The following OR10J1 variants were observed in gnomAD, a reference collection of about 807,000 sequenced individuals.
OR10J1 encodes olfactory receptor family 10 subfamily J member 1.
For synonymous variants in OR10J1, 202 were observed against 143.8 expected (o/e 1.40, Z -2.89); for missense variants, 474 against 376.6 (o/e 1.26, Z -2.14).
At chr1:159,437,379 C>T (rs1451365072), upstream of OR10J1, among the ~76,000 whole-genome samples, 1 of 152,014 alleles carries the variant, frequency 6.6e-6, no homozygotes, top group Non-Finnish European at 1.5e-5. Flanking sequence ...GATAGAGTTC[C>T]TGCCTATAAG....
chr1:159,415,549 TC>T, the OR10J1 span, among the ~76,000 whole-genome samples: 5 of 152,042 alleles, frequency 3.3e-5, no homozygotes, highest in African/African-American at 1.2e-4. Context: ...CTTTGGCTAT[TC>T]AAGCTCTTTT....
the OR10J1 span, among the ~76,000 whole-genome samples, chr1:159,426,118 A>C: frequency 9.5e-4 from 145 of 152,096 alleles, 2 homozygotes; most frequent in African/African-American, 2.2e-3. Flanking sequence ...AAAAACAATT[A>C]ACCAAAAGGC....
chr1:159,405,916 A>G, the OR10J1 span: 2 of 529,854 alleles, frequency 3.8e-6, no homozygotes, highest in Non-Finnish European at 7.1e-6. Flanking sequence ...AGCCATGCCC[A>G]GGCCAATCCT....
chr1:159,440,162 T>A lies in OR10J1; in HGVS notation c.371T>A (p.Val124Glu), dbSNP rs751572305. 25 of 1,614,058 alleles carry A rather than the reference T, an allele frequency of 1.5e-5. No homozygotes were observed. The African/African-American group carries it at 3.1e-4, about 20-fold the overall frequency. The change falls in exon 1 of 1, where the codon GTG becomes GAG. Residue 124 changes from valine (V) to glutamate (E), a missense_variant. Transcript: ENST00000423932. ...LLTAMGYDRYVAICNPLRYMV... is the reference protein window; with the variant it reads ...LLTAMGYDRYEAICNPLRYMV... ...ACAGCAATGGGATATGACCGCTATG[T>A]GGCCATCTGCAACCCCCTGAGATAC...
the OR10J1 span, among the ~76,000 whole-genome samples, chr1:159,420,615 G>T: frequency 4.6e-5 from 7 of 152,102 alleles, no homozygotes; most frequent in East Asian, 1.4e-3. Context: ...TGATAAATTT[G>T]CTTATTTGGA....
chr1:159,413,554 T>C, the OR10J1 span, among the ~76,000 whole-genome samples: 784 of 151,786 alleles, frequency 5.2e-3, 2 homozygotes, highest in Non-Finnish European at 8.9e-3. Flanking sequence ...ATGGATGAAA[T>C]GGGAAATCAT....
the OR10J1 span, among the ~76,000 whole-genome samples, chr1:159,431,733 AAAAATTACCT>A: frequency 1.7e-3 from 266 of 152,334 alleles, 1 homozygote; most frequent in Admixed American, 5.0e-3. Context: ...TACAATATTC[AAAAATTACCT>A]ATGATATTCA....
the OR10J1 span, among the ~76,000 whole-genome samples, chr1:159,398,462 G>A: frequency 1.3e-4 from 20 of 152,232 alleles, no homozygotes; most frequent in African/African-American, 1.9e-4. Context: ...CTTTCAGAAA[G>A]GGAATTCAAA....
chr1:159,406,244 C>A, the OR10J1 span: 1 of 529,020 alleles, frequency 1.9e-6, no homozygotes, highest in South Asian at 1.4e-5. Context: ...ATCACATTGC[C>A]AGAGACAGTC....
At chr1:159,399,045 A>G in the OR10J1 span, among the ~76,000 whole-genome samples, 1 of 152,230 alleles carries the variant, frequency 6.6e-6, no homozygotes, top group Admixed American at 6.5e-5. Context: ...AGTCAGAGAA[A>G]AAAAACAAAT....
chr1:159,426,434 A>G, the OR10J1 span, among the ~76,000 whole-genome samples: 199 of 152,052 alleles, frequency 1.3e-3, 2 homozygotes, highest in Non-Finnish European at 2.3e-3. Flanking sequence ...AGTGAAAACA[A>G]CTAAGGAACT....
Position 159,440,251 on chromosome 1 carries a change from A to G in OR10J1, c.460A>G (p.Ile154Val). ...LVLGACSIGL[I>V]VAITQVTSVF... ...CCTGGGGGCCTGCAGCATTGGGCTG[A>G]TTGTAGCAATAACGCAAGTGACATC... Residue 154 changes from isoleucine (I) to valine (V), a missense_variant, in exon 1 of 1, where the codon ATT becomes GTT. Physicochemically the swap from Ile to Val is conservative, Grantham distance 29 (BLOSUM62 3). Coordinates refer to ENST00000423932, the MANE Select transcript of OR10J1 (RefSeq NM_012351.3). 6.2e-7 allele frequency: 1 copy of G among 1,614,124 alleles called. No individual in the cohort carries two copies. Among genetic ancestry groups the G allele is most frequent in the Non-Finnish European group, 8.5e-7 (1 of 1,180,004 alleles).
the OR10J1 span, among the ~76,000 whole-genome samples, chr1:159,408,655 C>T: frequency 6.6e-6 from 1 of 151,738 alleles, no homozygotes; most frequent in Non-Finnish European, 1.5e-5. Flanking sequence ...ATTCTCATTC[C>T]ACCTGGGCAA....
the OR10J1 span, chr1:159,406,288 A>T: frequency 1.9e-6 from 1 of 523,622 alleles, no homozygotes; most frequent in Non-Finnish European, 3.9e-6. Context: ...AACAAAGAAG[A>T]CAAATCTGTG....
chr1:159,409,457 C>T, the OR10J1 span, among the ~76,000 whole-genome samples: 2 of 152,028 alleles, frequency 1.3e-5, no homozygotes, highest in Non-Finnish European at 2.9e-5. Context: ...TTTAAGCATA[C>T]TCCGTACTCT....
chr1:159,430,673 G>GCACA, the OR10J1 span, among the ~76,000 whole-genome samples: 5 of 151,772 alleles, frequency 3.3e-5, no homozygotes, highest in Non-Finnish European at 7.4e-5. Flanking sequence ...GTGTGTGCGC[G>GCACA]CGCGCACATG....
chr1:159,440,659 AC>A lies in OR10J1; in HGVS notation c.871del (p.Leu291Ter), dbSNP rs1452563302. 3 of 1,613,632 alleles carry A rather than the reference AC, an allele frequency of 1.9e-6. No individual in the cohort carries two copies. The highest frequency in any genetic ancestry group is 1.3e-5 in the African/African-American group (1 of 74,808). On this transcript the variant is annotated frameshift_variant, in exon 1 of 1. Coordinates refer to ENST00000423932, the MANE Select transcript of OR10J1 (RefSeq NM_012351.3). LOFTEE classifies it low-confidence loss of function (END_TRUNC). Reference sequence around the variant, plus strand: ...TCCCCTACTGAACCCTGTGGTATACACCCTGAGAAATAAAGAGGTCAAAGAT... The same window carrying A: ...TCCCCTACTGAACCCTGTGGTATACACCTGAGAAATAAAGAGGTCAAAGAT... ...ITPLLNPVVY[T>X]LRNKEVKDAL...
At chr1:159,409,601 T>C in the OR10J1 span, among the ~76,000 whole-genome samples, 1 of 152,096 alleles carries the variant, frequency 6.6e-6, no homozygotes, top group Non-Finnish European at 1.5e-5. Flanking sequence ...TACCTATACA[T>C]TTCCATCAAG....
the OR10J1 span, among the ~76,000 whole-genome samples, chr1:159,424,213 C>A: frequency 6.9e-6 from 1 of 144,574 alleles, no homozygotes. Context: ...AAGACTCCAT[C>A]TCCAAAAAAA....
Sources: allele counts gnomAD v4.1 joint callset (sites outside exome capture counted in the v4.1 genomes callset), GRCh38; gene constraint gnomAD v4.1.1; transcripts MANE v1.5; gene names NCBI Gene and HGNC (gene_info 2026-07-23, HGNC 2026-07-21).